Variants in DGKD observed in about 807,000 individuals in gnomAD.
The protein encoded by DGKD is DAG kinase delta.
Under a neutral mutation model 154.4 loss-of-function variants are expected in DGKD, and 68 were observed. The observed-to-expected ratio is 0.44, with a 90% CI of 0.36 to 0.54. DGKD has a LOEUF of 0.54. DGKD is among the 20% of genes least tolerant of loss of function. The probability of loss-of-function intolerance (pLI) is 0.00; values close to 1 mark genes in which losing one functional copy is unlikely to be tolerated. For missense variants in DGKD, 1,343 were observed against 1,593.6 expected (o/e 0.84, Z 2.68); for synonymous variants, 693 against 638.0 (o/e 1.09, Z -1.30).
At chr2:233,407,285 A>G (rs2061709771) in intron 3 of DGKD, among the ~76,000 whole-genome samples, 1 of 152,240 alleles carries the variant, frequency 6.6e-6, no homozygotes, top group African/African-American at 2.4e-5. Context: ...GATATATTAA[A>G]AATAGCTTTT....
At chr2:233,468,670 C>T (rs1004381973) in intron 29 of DGKD, 117 bp downstream of exon 29, 8 of 1,496,384 alleles carry the variant, frequency 5.3e-6, no homozygotes, top group South Asian at 3.8e-5. Flanking sequence ...CTCAGGCTTT[C>T]GTGTATACCT....
At chr2:233,359,018 T>C (rs1701654220) in intron 1 of DGKD, among the ~76,000 whole-genome samples, 1 of 152,184 alleles carries the variant, frequency 6.6e-6, no homozygotes, top group Non-Finnish European at 1.5e-5. Flanking sequence ...ATGAGGAGGG[T>C]TCCAATTTTT....
chr2:233,453,213 C>T (rs1044088057), intron 18 of DGKD, among the ~76,000 whole-genome samples: 1 of 152,154 alleles, frequency 6.6e-6, no homozygotes. Context: ...TGCTGCCTTC[C>T]TGCTGTGGTG....
chr2:233,432,341 T>C (rs13410192), intron 3 of DGKD, among the ~76,000 whole-genome samples: 30,954 of 97,962 alleles, frequency 0.32, 6,558 homozygotes, highest in Admixed American at 0.4. Context: ...CTGGCTAACA[T>C]GGTGAAACCT....
chr2:233,455,342 A>C (rs1320956054), intron 19 of DGKD, among the ~76,000 whole-genome samples: 1 of 152,200 alleles, frequency 6.6e-6, no homozygotes, highest in Non-Finnish European at 1.5e-5. Flanking sequence ...GGGAGCCCCA[A>C]GGGGCATCAC....
chr2:233,469,268 G>A, intron 29 of DGKD, 103 bp from the exon 30 acceptor site: 2 of 994,186 alleles, frequency 2.0e-6, no homozygotes, highest in Admixed American at 2.2e-5. Context: ...TCTCATTTGT[G>A]TTCACAAGCC....
chr2:233,378,245 T>A (rs1210848548), intron 1 of DGKD, among the ~76,000 whole-genome samples: 2 of 152,014 alleles, frequency 1.3e-5, no homozygotes, highest in Admixed American at 1.3e-4. Flanking sequence ...GAAACCCGTC[T>A]TTACTAAAAT....
intron 14 of DGKD, 121 bp downstream of exon 14, chr2:233,448,496 C>A: frequency 2.5e-6 from 2 of 812,502 alleles, no homozygotes; most frequent in Non-Finnish European, 3.9e-6. Context: ...AAGAATTAGA[C>A]AAAACGCACA....
intron 1 of DGKD, among the ~76,000 whole-genome samples, chr2:233,356,328 A>G (rs1701533777): frequency 1.3e-5 from 2 of 152,076 alleles, no homozygotes; most frequent in Admixed American, 1.3e-4. Context: ...TGGTCCTTTG[A>G]GGGGTTTGCT....
rs115824626 is a variant in DGKD at position 233,381,912 on chromosome 2, A to G, written c.157-6345A>G. On this transcript the variant is annotated intron_variant, in intron 1 of 29. Transcript: ENST00000264057. ...TGTTCTGTTAAGAAGACAAGTAAAT[A>G]TAAAAATACTCATGAAAATTTAAAG... 3.4e-3 allele frequency among the ~76,000 whole-genome samples: 514 copies of G among 152,356 alleles called. 4 individuals are homozygous for G. Among genetic ancestry groups the G allele is most frequent in the African/African-American group, 0.012 (484 of 41,578 alleles).
chr2:233,416,121 T>G (rs1013364109), intron 3 of DGKD, among the ~76,000 whole-genome samples: 16 of 152,158 alleles, frequency 1.1e-4, no homozygotes, highest in Non-Finnish European at 1.8e-4. Context: ...CTCATTTATG[T>G]TTTATTGTGG....
chr2:233,390,567 A>G (rs377433046), intron 3 of DGKD, 84 bp downstream of exon 3: 2 of 983,598 alleles, frequency 2.0e-6, no homozygotes, highest in East Asian at 2.5e-5. Flanking sequence ...CAAGCAGTTC[A>G]AACGTTTTCA....
chr2:233,388,127 T>C (rs1487221281), intron 1 of DGKD, 130 bp from the exon 2 acceptor site: 4 of 1,532,602 alleles, frequency 2.6e-6, no homozygotes, highest in Non-Finnish European at 3.5e-6. Context: ...TCAAGGTCTG[T>C]TGAGAGTGTG....
Position 233,449,357 on chromosome 2 carries a change from C to A in DGKD, c.1869C>A (p.Ile623=). Residue 623 remains isoleucine (I), a synonymous_variant, in exon 15 of 30, where the codon ATC becomes ATA. Transcript: ENST00000264057. This position sits in a 1 kb window ranked among gnomAD's most constrained non-coding sequence, Gnocchi z 5.3. ...ANSLKKAIRQ[I]IEHTEKAVDE... ...GCCTGAAGAAAGCAATTCGTCAGAT[C>A]ATAGAACACACAGAAAAAGGTAACT... 6.3e-7 allele frequency: 1 copy of A among 1,597,900 alleles called. No individual in the cohort carries two copies. The highest frequency in any genetic ancestry group is 1.1e-5 in the South Asian group (1 of 90,734).
rs1363237924 is a variant in DGKD, at chr2:233,436,390, T to C, written c.768T>C (p.Cys256=). ...SAKCTVCDKT[C]GSVLRLQDWR... is the part of the protein sequence containing the mutation. ...AGTGCACTGTGTGCGACAAGACCTG[T>C]GGCAGTGTGCTGCGCCTGCAGGACT... The change falls in exon 7 of 30, where the codon TGT becomes TGC. Residue 256 remains cysteine, a synonymous_variant. Coordinates refer to ENST00000264057, the MANE Select transcript of DGKD (RefSeq NM_152879.3). 2 of 1,614,166 alleles carry C rather than the reference T, an allele frequency of 1.2e-6. No individual in the cohort carries two copies. Among genetic ancestry groups the C allele is most frequent in the African/African-American group, 2.7e-5 (2 of 75,076 alleles).
intron 26 of DGKD, among the ~76,000 whole-genome samples, chr2:233,463,262 C>A (rs554848510): frequency 1.3e-5 from 2 of 151,868 alleles, no homozygotes; most frequent in African/African-American, 4.8e-5. Context: ...ACGCCACTCA[C>A]CTCCTCACTG....
rs943879472 is a variant in DGKD at position 233,458,297 on chromosome 2, C to T, written c.2594C>T (p.Pro865Leu). 6.2e-7 allele frequency: 1 copy of T among 1,612,414 alleles called. No individual in the cohort carries two copies. Among genetic ancestry groups the T allele is most frequent in the Non-Finnish European group, 8.5e-7 (1 of 1,179,324 alleles). Reference protein sequence around the residue: ...GTKEDDTFAAPSFDDKILEVV... With the variant: ...GTKEDDTFAALSFDDKILEVV... ...TGTCCCTTGCAGACTTTCGCAGCTC[C>T]ATCATTCGATGACAAGATTCTGGAG... Residue 865 changes from proline to leucine, a missense_variant, in exon 22 of 30, where the codon CCA becomes CTA. Physicochemically the swap from Pro to Leu is moderately conservative, Grantham distance 98. This residue lies in a region of DGKD where 429 missense variants were observed against 496.3 expected (regional missense o/e 0.86). Coordinates refer to ENST00000264057, the MANE Select transcript of DGKD (RefSeq NM_152879.3). This position sits in a 1 kb window ranked among gnomAD's most constrained non-coding sequence, Gnocchi z 6.6.
intron 1 of DGKD, among the ~76,000 whole-genome samples, chr2:233,374,823 A>G (rs1434599994): frequency 6.6e-6 from 1 of 151,326 alleles, no homozygotes; most frequent in African/African-American, 2.4e-5. Flanking sequence ...AAAAGTTTTT[A>G]TAGAGATAGA....
In DGKD at chr2:233,458,642, T is replaced by C. The variant is rs2063532572; in HGVS notation, c.2694+245T>C. Among the ~76,000 whole-genome samples the C allele has an allele frequency of 1.3e-5, 2 of 151,618 alleles. No homozygotes were observed. The highest frequency in any genetic ancestry group is 2.4e-5 in the African/African-American group (1 of 41,206). Reference sequence around the variant, plus strand: ...TTTTTTTTTTTTTGAGACAGAGTCTTGCTCTGTTGCCCAGGCTGGAGTGCA... The same window carrying C: ...TTTTTTTTTTTTTGAGACAGAGTCTCGCTCTGTTGCCCAGGCTGGAGTGCA... On this transcript the variant is annotated intron_variant, in intron 22 of 29. Coordinates refer to ENST00000264057, the MANE Select transcript of DGKD (RefSeq NM_152879.3). The surrounding 1 kb of genome is among the most constrained non-coding windows in gnomAD (Gnocchi z 6.6).
Sources: gnomAD v4.1 joint callset for allele counts (sites outside exome capture counted in the v4.1 genomes callset) on GRCh38, gnomAD v4.1.1 for gene constraint, gnomAD v4.1.1 regional missense constraint, Gnocchi (gnomAD v3.1) non-coding constraint, MANE v1.5 for transcripts, NCBI Gene and HGNC (gene_info 2026-07-23, HGNC 2026-07-21) for gene names.